The following CCSER1 variants were observed in gnomAD, a reference collection of about 807,000 sequenced individuals.
CCSER1 encodes serine-rich coiled-coil domain-containing protein 1.
In CCSER1, 41 loss-of-function variants were observed where a neutral mutation model predicts 82.0. The ratio of observed to expected loss-of-function variants is 0.50; its 90% confidence interval spans 0.39 to 0.65. CCSER1 has a LOEUF of 0.65. CCSER1 is among the 30% of genes least tolerant of loss of function. The pLI is 0.00. For missense variants in CCSER1, 1,119 were observed against 1,064.2 expected, an observed-to-expected ratio of 1.05 and a Z score of -0.72; for synonymous variants, 414 against 383.9, an observed-to-expected ratio of 1.08 and a Z score of -0.92.
In CCSER1 at chr4:91,167,915, C is replaced by T. The variant is rs144654230; in HGVS notation, c.2217+81921C>T. ...GAGTGCCTCTGCCCGGCCGCCACCC[C>T]GTCTGGGAAGTCGGGAGCACCTCTG... is the stretch of plus-strand genomic sequence containing the variant. On this transcript the variant is annotated intron_variant, in intron 10 of 10. Coordinates refer to ENST00000509176, the MANE Select transcript of CCSER1 (RefSeq NM_001145065.2). Among the ~76,000 whole-genome samples the T allele has an allele frequency of 5.8e-3, 874 of 151,242 alleles. 11 individuals carry two copies. Among genetic ancestry groups the T allele is most frequent in the African/African-American group, 0.02 (811 of 41,178 alleles).
intron 8 of CCSER1, among the ~76,000 whole-genome samples, chr4:90,816,681 A>T (rs566322170): frequency 6.6e-6 from 1 of 152,120 alleles, no homozygotes; most frequent in Admixed American, 6.5e-5. Context: ...ACCCTGACTC[A>T]TTATCAAGAT....
At chr4:91,000,827 CAG>C (rs898311112) in intron 9 of CCSER1, among the ~76,000 whole-genome samples, 31 of 152,070 alleles carry the variant, frequency 2.0e-4, no homozygotes, top group African/African-American at 7.2e-4. Context: ...AGTTTTCTGG[CAG>C]AGTCTTTTGA....
chr4:91,382,922 G>C (rs763832820), intron 10 of CCSER1, among the ~76,000 whole-genome samples: 1 of 151,854 alleles, frequency 6.6e-6, no homozygotes, highest in African/African-American at 2.4e-5. Flanking sequence ...GATTAAGTTA[G>C]CATCCATCAA....
chr4:91,112,379 G>A (rs188821229), intron 10 of CCSER1, among the ~76,000 whole-genome samples: 89 of 151,954 alleles, frequency 5.9e-4, no homozygotes, highest in Non-Finnish European at 2.5e-4. Context: ...ATCTAATACA[G>A]CTTTATCTCC....
intron 10 of CCSER1, among the ~76,000 whole-genome samples, chr4:91,417,672 C>T (rs957416175): frequency 1.3e-4 from 20 of 151,750 alleles, no homozygotes; most frequent in Middle Eastern, 3.4e-3. Context: ...TTAGGAACAA[C>T]ACACACTGGG....
chr4:91,588,569 CT>C, intron 10 of CCSER1, among the ~76,000 whole-genome samples: 1 of 151,510 alleles, frequency 6.6e-6, no homozygotes, highest in East Asian at 1.9e-4. Flanking sequence ...GTGGATATTA[CT>C]TCAATTCCCA....
rs1183757448 is a variant in CCSER1, at chr4:91,503,562, C to T, written c.2218-95010C>T. Among the ~76,000 whole-genome samples the T allele has an allele frequency of 2.1e-5, 3 of 144,236 alleles. No homozygotes were observed. In the South Asian group the frequency reaches 6.7e-4, roughly 32 times the overall value. The allele number at this position is 144,236 out of a possible 152,430, so 94.6% of individuals were successfully genotyped here. The stretch of plus-strand genomic sequence containing the variant: ...AATCACTGGCTTGTGGATATGTGTT[C>T]CTGTCTGGGGTCTTTTGGAAATTAT... On this transcript the variant is annotated intron_variant, in intron 10 of 10. Transcript: ENST00000509176.
intron 6 of CCSER1, among the ~76,000 whole-genome samples, chr4:90,722,808 A>G (rs952725878): frequency 2.6e-5 from 4 of 151,962 alleles, no homozygotes; most frequent in Admixed American, 6.6e-5. Flanking sequence ...CTTAATGGAT[A>G]TTTAAAATAT....
chr4:91,439,024 C>T (rs551311748), intron 10 of CCSER1, among the ~76,000 whole-genome samples: 137 of 151,968 alleles, frequency 9.0e-4, no homozygotes, highest in African/African-American at 2.9e-3. Context: ...CTGAAAGTGA[C>T]GGGGAGAATG....
chr4:90,708,439 C>A (rs1301890631), intron 6 of CCSER1, among the ~76,000 whole-genome samples: 1 of 152,110 alleles, frequency 6.6e-6, no homozygotes. Context: ...AGTAATATTT[C>A]TTTGCTAGGG....
intron 7 of CCSER1, chr4:90,724,978 A>G (rs1171194004): frequency 4.6e-6 from 2 of 432,406 alleles, no homozygotes; most frequent in Non-Finnish European, 4.6e-6. Flanking sequence ...TTAGTTTTCT[A>G]ATTATGGACA....
chr4:90,721,976 A>G (rs1742760810), intron 6 of CCSER1, among the ~76,000 whole-genome samples: 1 of 151,744 alleles, frequency 6.6e-6, no homozygotes, highest in Non-Finnish European at 1.5e-5. Flanking sequence ...ATTTTCTCTT[A>G]GAATGACATT....
chr4:90,135,798 A>C (rs894544064), intron 1 of CCSER1, among the ~76,000 whole-genome samples: 1 of 152,232 alleles, frequency 6.6e-6, no homozygotes, highest in Non-Finnish European at 1.5e-5. Context: ...TTTATTATAG[A>C]GTTGAAGTCC....
At chr4:91,132,156 G>C (rs1426766432) in intron 10 of CCSER1, among the ~76,000 whole-genome samples, 1 of 151,948 alleles carries the variant, frequency 6.6e-6, no homozygotes, top group African/African-American at 2.4e-5. Context: ...CATCATTTTT[G>C]AAAATGACAG....
intron 10 of CCSER1, among the ~76,000 whole-genome samples, chr4:91,119,508 TA>T (rs996422112): frequency 3.3e-5 from 5 of 151,996 alleles, no homozygotes; most frequent in African/African-American, 1.2e-4. Flanking sequence ...TTTGAGATGT[TA>T]AAAAGAAAAT....
chr4:90,858,614 CTT>C (rs1279606725), intron 8 of CCSER1, among the ~76,000 whole-genome samples: 1 of 151,852 alleles, frequency 6.6e-6, no homozygotes. Flanking sequence ...GCTGAAGTGA[CTT>C]TTCCACTTCA....
chr4:90,816,987 A>G (rs1273798159), intron 8 of CCSER1, among the ~76,000 whole-genome samples: 1 of 152,088 alleles, frequency 6.6e-6, no homozygotes, highest in African/African-American at 2.4e-5. Context: ...GAAGACTTAT[A>G]AACTAGTACT....
At chr4:90,733,544 T>C (rs1449773921) in intron 7 of CCSER1, among the ~76,000 whole-genome samples, 1 of 152,180 alleles carries the variant, frequency 6.6e-6, no homozygotes, top group Non-Finnish European at 1.5e-5. Context: ...TATGATCCCA[T>C]CTATCCAATT....
intron 7 of CCSER1, chr4:90,780,419 A>G (rs1753612290): frequency 1.9e-6 from 3 of 1,605,292 alleles, no homozygotes; most frequent in Admixed American, 1.7e-5. Context: ...AAGGACTGTT[A>G]TTTATTTTTA....
Sources: gnomAD v4.1 joint callset for allele counts (sites outside exome capture counted in the v4.1 genomes callset) on GRCh38, gnomAD v4.1.1 for gene constraint, MANE v1.5 for transcripts, NCBI Gene and HGNC (gene_info 2026-07-23, HGNC 2026-07-21) for gene names.